CEP350: variants seen among roughly 807,000 people sequenced by gnomAD.
CEP350 encodes centrosome-associated protein 350.
Under a neutral mutation model 331.8 loss-of-function variants are expected in CEP350, and 126 were observed. The ratio of observed to expected loss-of-function variants is 0.38; its 90% confidence interval spans 0.33 to 0.44. The LOEUF (loss-of-function observed/expected upper bound fraction) is 0.44. Ranked by LOEUF, CEP350 falls within the 20% of genes least tolerant of loss-of-function variation. The pLI, the probability that CEP350 is intolerant of heterozygous loss-of-function variation, is 1.00. For synonymous variants in CEP350, 1,200 were observed against 1,259.5 expected (o/e 0.95, Z 1.00); for missense variants, 3,406 against 3,634.6 (o/e 0.94, Z 1.62).
rs762498753 is a variant in CEP350, at chr1:180,053,880, A to G, written c.5120A>G (p.Lys1707Arg). 2 of 1,610,852 alleles carry G rather than the reference A, an allele frequency of 1.2e-6. No homozygotes were observed. The highest frequency in any genetic ancestry group is 1.7e-6 in the Non-Finnish European group (2 of 1,177,962). ...HQSSLLRLRE[K>R]ALKEKTKAEL... is the part of the protein sequence containing the mutation. The stretch of plus-strand genomic sequence containing the variant: ...TCTTCACTCCTGCGTCTCCGTGAAA[A>G]GGCCTTGAAGGAGAAGACTAAGGCT... Residue 1707 changes from lysine to arginine, a missense_variant, in exon 24 of 38, where the codon AAG becomes AGG. This residue lies in a region of CEP350 where 104 missense variants were observed against 143.3 expected (regional missense o/e 0.73). Coordinates refer to ENST00000367607, the MANE Select transcript of CEP350 (RefSeq NM_014810.5).
chr1:180,068,970 A>C (rs1389793283), intron 27 of CEP350, among the ~76,000 whole-genome samples: 1 of 152,194 alleles, frequency 6.6e-6, no homozygotes, highest in Non-Finnish European at 1.5e-5. Flanking sequence ...GTACTTTTTT[A>C]AGAGTCTCAC....
chr1:180,099,562 CAAAAAAGA>C (rs915767692), intron 37 of CEP350, among the ~76,000 whole-genome samples: 6 of 150,896 alleles, frequency 4.0e-5, no homozygotes, highest in Admixed American at 1.3e-4. Context: ...AAGTGTTTAT[CAAAAAAGA>C]AAAAAAGAAA....
At chr1:180,023,229 A>G (rs1655448181) in intron 13 of CEP350, among the ~76,000 whole-genome samples, 1 of 151,966 alleles carries the variant, frequency 6.6e-6, no homozygotes, top group South Asian at 2.1e-4. Flanking sequence ...CCGAGATTGC[A>G]CCACTGCACT....
chr1:180,090,227 C>T (rs953839013), intron 32 of CEP350, among the ~76,000 whole-genome samples: 25 of 152,066 alleles, frequency 1.6e-4, no homozygotes, highest in Non-Finnish European at 3.5e-4. Context: ...GCAAGGTCAT[C>T]TAGTGAGAGT....
Position 180,062,323 on chromosome 1 carries a change from T to C in CEP350, c.5366T>C (p.Ile1789Thr). ...ATAGAAAAGATCCGACAGACCACCATAAAACTACAGGAGAAATTGAAGTCT... is the reference window on the plus strand; with the variant it reads ...ATAGAAAAGATCCGACAGACCACCACAAAACTACAGGAGAAATTGAAGTCT... ...EEIEKIRQTT[I>T]KLQEKLKSAG... The change falls in exon 26 of 38, where the codon ATA becomes ACA. Residue 1789 changes from isoleucine to threonine, a missense_variant. Around this residue, in one of 5 missense-constraint regions of CEP350, gnomAD observed 1,415 missense variants for 1,512.3 expected, o/e 0.94. Transcript: ENST00000367607. 4 of 1,610,744 alleles carry C rather than the reference T, an allele frequency of 2.5e-6. No homozygotes were observed. Among genetic ancestry groups the C allele is most frequent in the Admixed American group, 3.4e-5 (2 of 59,586 alleles).
chr1:180,027,749 C>T (rs935326764), intron 14 of CEP350, among the ~76,000 whole-genome samples: 1 of 152,206 alleles, frequency 6.6e-6, no homozygotes, highest in East Asian at 1.9e-4. Context: ...AGGTTATTTT[C>T]TTTTTTCTTT....
At chr1:180,062,443 A>G (rs1658281429) in intron 26 of CEP350, 77 bp downstream of exon 26, 1 of 1,430,658 alleles carries the variant, frequency 7.0e-7, no homozygotes, top group African/African-American at 1.4e-5. Flanking sequence ...ATGTTCTAAG[A>G]TAATATTCAT....
At position 179,996,664 on chromosome 1, in the gene CEP350, C is replaced by T. The variant is rs753246573; in HGVS notation, c.507C>T (p.Gly169=). ...EKTESGNWMI[G]SREERNIRSC... ...CTGAGAGCGGTAACTGGATGATAGG[C>T]AGTCGAGAAGAACGGAATATACGGA... Residue 169 remains glycine (G), a synonymous_variant, in exon 6 of 38, where the codon GGC becomes GGT. Coordinates refer to ENST00000367607, the MANE Select transcript of CEP350 (RefSeq NM_014810.5). 2.5e-6 allele frequency: 4 copies of T among 1,613,416 alleles called. No individual in the cohort carries two copies. In the South Asian group the frequency reaches 4.4e-5, roughly 18 times the overall value.
intron 33 of CEP350, 73 bp from the exon 34 acceptor site, chr1:180,092,541 C>A: frequency 8.0e-7 from 1 of 1,242,356 alleles, no homozygotes; most frequent in South Asian, 2.2e-5. Context: ...TGGCTTTTCT[C>A]TAAACTTTGG....
At position 180,041,673 on chromosome 1, in the gene CEP350, A is replaced by G; in HGVS notation, c.4233A>G (p.Glu1411=). 3 of 1,613,638 alleles carry G rather than the reference A, an allele frequency of 1.9e-6. No homozygotes were observed. The highest frequency in any genetic ancestry group is 2.5e-6 in the Non-Finnish European group (3 of 1,179,690). ...TRNKAAQVHA[E]SLQQVVQSQR... is the part of the protein sequence containing the mutation. ...CCTTTTATTTAAAGGTCCATGCAGA[A>G]TCATTACAGCAGGTGGTTCAATCAC... The change falls in exon 19 of 38, where the codon GAA becomes GAG. Residue 1411 remains glutamate, a synonymous_variant. Coordinates refer to ENST00000367607, the MANE Select transcript of CEP350 (RefSeq NM_014810.5).
At chr1:180,091,944 T>C (rs977621289) in intron 33 of CEP350, among the ~76,000 whole-genome samples, 2 of 151,566 alleles carry the variant, frequency 1.3e-5, no homozygotes, top group Non-Finnish European at 2.9e-5. Flanking sequence ...CCCAGGTACT[T>C]AGGAGGCTGA....
intron 17 of CEP350, among the ~76,000 whole-genome samples, chr1:180,039,211 G>A (rs1656581738): frequency 1.4e-5 from 2 of 143,952 alleles, no homozygotes; most frequent in African/African-American, 2.6e-5. Context: ...AGTAAGCCAA[G>A]ATTGTGCCAT....
In CEP350 at chr1:180,032,576, A is replaced by G. The variant is rs74879188; in HGVS notation, c.3725+1082A>G. On this transcript the variant is annotated intron_variant, in intron 15 of 37. Coordinates refer to ENST00000367607, the MANE Select transcript of CEP350 (RefSeq NM_014810.5). ...CCTACCCATGGAGATTCACAGAGAT[A>G]AAATAATTTGAGGCTTTGATAAGGA... Among the ~76,000 whole-genome samples, 1,396 of 152,138 alleles carry G rather than the reference A, an allele frequency of 9.2e-3. 22 individuals are homozygous for G. Among genetic ancestry groups the G allele is most frequent in the African/African-American group, 0.03 (1,240 of 41,548 alleles).
chr1:180,082,125 A>C (rs1659608406), intron 30 of CEP350, among the ~76,000 whole-genome samples: 1 of 152,208 alleles, frequency 6.6e-6, no homozygotes, highest in Non-Finnish European at 1.5e-5. Context: ...ATTTGTTAGC[A>C]ATGGAATAAT....
intron 7 of CEP350, among the ~76,000 whole-genome samples, chr1:180,004,906 GCTTTCTTTCTTTCTTT>G (rs1158546433): frequency 7.6e-5 from 10 of 130,792 alleles, no homozygotes; most frequent in African/African-American, 3.1e-4. Context: ...TTGCTTGCTT[GCTTTCTTTCTTTCTTT>G]CTTTCTTTCT....
At position 180,011,966 on chromosome 1, in the gene CEP350, T is replaced by C. The variant is rs754193891; in HGVS notation, c.1284T>C (p.Asp428=). 6 of 1,602,338 alleles carry C rather than the reference T, an allele frequency of 3.7e-6. No individual in the cohort carries two copies. The highest frequency in any genetic ancestry group is 5.1e-6 in the Non-Finnish European group (6 of 1,173,648). ...SHLISTSSWR[D]GQKLVKKILG... ...TTATAAGTACATCTTCTTGGCGAGATGGACAAAAATTAGTAAAGAAGATTC... is the reference window on the plus strand; with the variant it reads ...TTATAAGTACATCTTCTTGGCGAGACGGACAAAAATTAGTAAAGAAGATTC... Residue 428 remains aspartate, a synonymous_variant, in exon 9 of 38, where the codon GAT becomes GAC. Transcript: ENST00000367607.
intron 8 of CEP350, among the ~76,000 whole-genome samples, chr1:180,009,126 C>T (rs1041231660): frequency 6.6e-6 from 1 of 152,196 alleles, no homozygotes; most frequent in Non-Finnish European, 1.5e-5. Flanking sequence ...TCTCATGCCT[C>T]AGCCTCCTGA....
At position 180,022,780 on chromosome 1, in the gene CEP350, T is replaced by C; in HGVS notation, c.3318T>C (p.Tyr1106=). ...ATATPLSGVS[Y]EDDFVSSPGT... is the part of the protein sequence containing the mutation. ...CAACTCCTCTAAGTGGTGTTTCATA[T>C]GAAGATGATTTTGTCTCCTCTCCAG... The change falls in exon 13 of 38, where the codon TAT becomes TAC. Residue 1106 remains tyrosine, a synonymous_variant. Coordinates refer to ENST00000367607, the MANE Select transcript of CEP350 (RefSeq NM_014810.5). The C allele has an allele frequency of 6.2e-7, 1 of 1,607,510 alleles. No individual in the cohort carries two copies.
At chr1:180,033,008 A>AT (rs141487671) in intron 15 of CEP350, among the ~76,000 whole-genome samples, 12,662 of 152,174 alleles carry the variant, frequency 0.083, 697 homozygotes, top group Non-Finnish European at 0.12. Flanking sequence ...TATGCTGGGT[A>AT]TAAGAGAAAT....
Sources: allele counts gnomAD v4.1 joint callset (sites outside exome capture counted in the v4.1 genomes callset), GRCh38; gene constraint gnomAD v4.1.1; regional missense constraint gnomAD v4.1.1; transcripts MANE v1.5; gene names NCBI Gene and HGNC (gene_info 2026-07-23, HGNC 2026-07-21).